The following CNBD1 variants were observed in gnomAD, a reference collection of about 807,000 sequenced individuals.
CNBD1 encodes cyclic nucleotide binding domain containing 1.
A neutral mutation model predicts 54.4 loss-of-function variants in CNBD1; 71 were observed. That is an observed-to-expected ratio of 1.30 (90% confidence interval 1.08 to 1.59). The LOEUF is 1.59. Among genes scored for constraint, CNBD1 ranks in the 40% most tolerant of loss-of-function variants. The pLI is 0.00. For synonymous variants in CNBD1, 182 were observed against 170.7 expected (o/e 1.07, Z -0.51); for missense variants, 659 against 518.0 (o/e 1.27, Z -2.64).
intron 1 of CNBD1, among the ~76,000 whole-genome samples, chr8:86,884,464 A>G (rs1808651853): frequency 6.6e-6 from 1 of 152,158 alleles, no homozygotes; most frequent in South Asian, 2.1e-4. Flanking sequence ...ATTACCTTTG[A>G]GATTTTAGAA....
chr8:87,348,799 CTTAA>C lies in CNBD1; in HGVS notation c.1043-2883_1043-2880del, dbSNP rs1810224595. 2.6e-5 allele frequency among the ~76,000 whole-genome samples: 4 copies of C among 152,088 alleles called. No homozygotes were observed. The South Asian group carries it at 8.3e-4, about 31-fold the overall frequency. ...TTCTTCTTATCGTAACTTCTTCTGGCTTAATTTAGAATTAGAATAAAATGATTTT... is the reference window on the plus strand; with the variant it reads ...TTCTTCTTATCGTAACTTCTTCTGGCTTTAGAATTAGAATAAAATGATTTT... On this transcript the variant is annotated intron_variant, in intron 8 of 10. Transcript: ENST00000518476.
intron 4 of CNBD1, among the ~76,000 whole-genome samples, chr8:86,942,175 TTAATAG>T (rs1429867894): frequency 6.6e-6 from 1 of 152,236 alleles, no homozygotes; most frequent in Admixed American, 6.5e-5. Context: ...TGACAAACTA[TTAATAG>T]TAAGTAAAAG....
chr8:87,262,925 G>A (rs1199176520), intron 6 of CNBD1, among the ~76,000 whole-genome samples: 1 of 152,110 alleles, frequency 6.6e-6, no homozygotes, highest in Non-Finnish European at 1.5e-5. Context: ...GAGTGGGAAT[G>A]GGTAGAAATG....
chr8:87,194,808 T>C (rs1813680857), intron 4 of CNBD1, among the ~76,000 whole-genome samples: 1 of 152,190 alleles, frequency 6.6e-6, no homozygotes, highest in South Asian at 2.1e-4. Flanking sequence ...GTGTTTTGTG[T>C]GCATATGTAT....
chr8:87,221,126 A>G (rs575986107), intron 5 of CNBD1, among the ~76,000 whole-genome samples: 1 of 152,126 alleles, frequency 6.6e-6, no homozygotes, highest in South Asian at 2.1e-4. Context: ...TATTTGAGGT[A>G]TGGTTTTCTC....
intron 4 of CNBD1, among the ~76,000 whole-genome samples, chr8:86,993,578 G>A (rs1808800548): frequency 6.6e-6 from 1 of 152,206 alleles, no homozygotes; most frequent in African/African-American, 2.4e-5. Context: ...GCTCATCTGA[G>A]AAGGCTGGTG....
At chr8:87,423,611 T>A (rs1333243363) in intron 2 of CNBD1, among the ~76,000 whole-genome samples, 1 of 147,808 alleles carries the variant, frequency 6.8e-6, no homozygotes, top group Non-Finnish European at 1.5e-5. Context: ...CAGCCTTGCA[T>A]CCCAGGGATG....
chr8:87,378,321 G>A (rs6982830), intron 10 of CNBD1, among the ~76,000 whole-genome samples: 48,005 of 138,216 alleles, frequency 0.35, 8,765 homozygotes, highest in Middle Eastern at 0.42. Flanking sequence ...ATCTTGAATT[G>A]ATTTTTGTAT....
intron 2 of CNBD1, among the ~76,000 whole-genome samples, chr8:87,423,760 G>A (rs565755510): frequency 3.3e-4 from 50 of 151,810 alleles, no homozygotes; most frequent in African/African-American, 9.9e-4. Flanking sequence ...GTCTCTGCCC[G>A]GCTTTTGTAT....
intron 4 of CNBD1, among the ~76,000 whole-genome samples, chr8:87,142,440 G>A (rs1812389471): frequency 6.6e-6 from 1 of 152,060 alleles, no homozygotes. Context: ...GAGATTTAAG[G>A]TGGATATAGA....
chr8:87,257,120 A>T (rs1808039646), intron 6 of CNBD1, among the ~76,000 whole-genome samples: 2 of 152,100 alleles, frequency 1.3e-5, no homozygotes, highest in African/African-American at 4.8e-5. Context: ...CTGTAATCCC[A>T]GCGCTTTGGG....
chr8:87,362,785 G>T (rs923447381), intron 10 of CNBD1, among the ~76,000 whole-genome samples: 1 of 152,024 alleles, frequency 6.6e-6, no homozygotes, highest in Non-Finnish European at 1.5e-5. Flanking sequence ...TTCCAAGTCA[G>T]GTACATATAA....
chr8:87,028,449 A>C (rs1226996499), intron 4 of CNBD1, among the ~76,000 whole-genome samples: 2 of 152,228 alleles, frequency 1.3e-5, no homozygotes, highest in African/African-American at 4.8e-5. Flanking sequence ...GAACACCAGG[A>C]GTTCAATCTA....
intron 4 of CNBD1, among the ~76,000 whole-genome samples, chr8:87,161,893 C>G (rs1237131481): frequency 6.6e-6 from 1 of 152,094 alleles, no homozygotes; most frequent in Admixed American, 6.6e-5. Context: ...AAAACACAAT[C>G]TTAGATTCTT....
At chr8:86,938,162 G>A (rs1432340235) in intron 3 of CNBD1, among the ~76,000 whole-genome samples, 1 of 152,118 alleles carries the variant, frequency 6.6e-6, no homozygotes, top group African/African-American at 2.4e-5. Context: ...CTAAAACATA[G>A]CAAGAGTCAC....
intron 4 of CNBD1, among the ~76,000 whole-genome samples, chr8:86,981,274 G>A (rs907449598): frequency 1.3e-5 from 2 of 152,152 alleles, no homozygotes; most frequent in African/African-American, 2.4e-5. Flanking sequence ...CCACTGAACT[G>A]TAACATCACT....
At chr8:86,959,098 T>C (rs1239661110) in intron 4 of CNBD1, among the ~76,000 whole-genome samples, 1 of 152,180 alleles carries the variant, frequency 6.6e-6, no homozygotes, top group Non-Finnish European at 1.5e-5. Context: ...TATTTCTCCT[T>C]CACTTATGAA....
intron 4 of CNBD1, among the ~76,000 whole-genome samples, chr8:87,136,195 T>C (rs1718233150): frequency 6.6e-6 from 1 of 152,018 alleles, no homozygotes. Context: ...ACTTGATTCT[T>C]ACTGAGCTAT....
intron 2 of CNBD1, among the ~76,000 whole-genome samples, chr8:87,418,748 A>C (rs1229275151): frequency 6.6e-6 from 1 of 151,986 alleles, no homozygotes; most frequent in Non-Finnish European, 1.5e-5. Flanking sequence ...GTCATAAAAC[A>C]TTGTGATACC....
Sources: allele counts gnomAD v4.1 joint callset (sites outside exome capture counted in the v4.1 genomes callset), GRCh38; gene constraint gnomAD v4.1.1; transcripts MANE v1.5; gene names NCBI Gene and HGNC (gene_info 2026-07-23, HGNC 2026-07-21).